The following CD109 variants were observed in gnomAD, a reference collection of about 807,000 sequenced individuals.
The protein encoded by CD109 is CD109 antigen.
Under a neutral mutation model 165.8 loss-of-function variants are expected in CD109, and 149 were observed. That is an observed-to-expected ratio of 0.90 (90% CI 0.79 to 1.03). The LOEUF is 1.03. CD109 is among the 50% of genes least tolerant of loss of function. CD109 has a pLI of 0.00. For synonymous variants in CD109, 585 were observed against 592.1 expected (o/e 0.99, Z 0.18); for missense variants, 1,712 against 1,677.8 (o/e 1.02, Z -0.36).
chr6:73,822,319 A>T (rs1396769006), intron 32 of CD109, among the ~76,000 whole-genome samples: 1 of 152,218 alleles, frequency 6.6e-6, no homozygotes, highest in East Asian at 1.9e-4. Context: ...TGTGTTAGGT[A>T]GTTGTAGATA....
intron 10 of CD109, among the ~76,000 whole-genome samples, chr6:73,765,686 G>C (rs917614641): frequency 2.0e-5 from 3 of 152,176 alleles, no homozygotes; most frequent in Non-Finnish European, 4.4e-5. Context: ...AGAGGATGCA[G>C]AAAGAGAGGT....
At chr6:73,752,070 A>G (rs12529936) in intron 5 of CD109, among the ~76,000 whole-genome samples, 20,595 of 152,190 alleles carry the variant, frequency 0.14, 2,772 homozygotes, top group African/African-American at 0.34. Context: ...GTACATCCAG[A>G]CACTGGAGAG....
chr6:73,794,101 C>T (rs1775068100), intron 23 of CD109, among the ~76,000 whole-genome samples: 1 of 152,050 alleles, frequency 6.6e-6, no homozygotes, highest in Non-Finnish European at 1.5e-5. Context: ...TAAAATAATT[C>T]TATGTAATGA....
chr6:73,810,489 T>A (rs1243828609), intron 27 of CD109, among the ~76,000 whole-genome samples: 1 of 151,896 alleles, frequency 6.6e-6, no homozygotes, highest in African/African-American at 2.4e-5. Context: ...CTGTGGTAAC[T>A]GATATAAGAG....
At chr6:73,744,219 CA>C (rs1772897155) in intron 5 of CD109, among the ~76,000 whole-genome samples, 1 of 152,180 alleles carries the variant, frequency 6.6e-6, no homozygotes, top group Non-Finnish European at 1.5e-5. Context: ...TCCTTGAAGA[CA>C]GGAATTCTAT....
At chr6:73,797,229 G>A (rs1775196448) in intron 23 of CD109, among the ~76,000 whole-genome samples, 1 of 152,162 alleles carries the variant, frequency 6.6e-6, no homozygotes, top group Non-Finnish European at 1.5e-5. Context: ...TGTCTTTGCT[G>A]TCAAAAAGGA....
chr6:73,782,139 C>T (rs979206067), intron 17 of CD109, among the ~76,000 whole-genome samples: 6 of 152,146 alleles, frequency 3.9e-5, no homozygotes, highest in East Asian at 1.9e-4. Flanking sequence ...GCTAAGCCCC[C>T]GGGTCTCTTT....
intron 3 of CD109, among the ~76,000 whole-genome samples, chr6:73,724,407 G>A (rs1013025576): frequency 2.0e-5 from 3 of 152,026 alleles, no homozygotes; most frequent in East Asian, 1.9e-4. Context: ...GCTTTGATTT[G>A]GAAGTTTATA....
intron 26 of CD109, 144 bp downstream of exon 26, chr6:73,808,392 G>T (rs947269386): frequency 1.9e-5 from 14 of 747,852 alleles, no homozygotes; most frequent in Admixed American, 3.0e-5. Flanking sequence ...GGATGGGCCT[G>T]ACATGGCCAC....
At chr6:73,777,437 C>T (rs1774293821) in intron 15 of CD109, among the ~76,000 whole-genome samples, 1 of 151,840 alleles carries the variant, frequency 6.6e-6, no homozygotes, top group South Asian at 2.1e-4. Context: ...TTAATTTGAT[C>T]CCATTTGTCA....
chr6:73,740,747 C>T (rs1032855371), intron 5 of CD109, among the ~76,000 whole-genome samples: 2 of 151,862 alleles, frequency 1.3e-5, no homozygotes, highest in African/African-American at 4.8e-5. Context: ...CATGCACCAC[C>T]ATGCCCAGCT....
chr6:73,764,876 A>G (rs980893078), intron 10 of CD109, among the ~76,000 whole-genome samples: 81 of 152,126 alleles, frequency 5.3e-4, no homozygotes, highest in Non-Finnish European at 1.0e-3. Context: ...CACTTGTTGA[A>G]TGGGTCGGTA....
chr6:73,797,785 A>G (rs1413635104), intron 23 of CD109, among the ~76,000 whole-genome samples: 1 of 152,210 alleles, frequency 6.6e-6, no homozygotes. Flanking sequence ...AAGAAAATTC[A>G]TAACCCAGAA....
chr6:73,810,213 A>T, intron 27 of CD109, 39 bp downstream of exon 27: 1 of 667,648 alleles, frequency 1.5e-6, no homozygotes, highest in Non-Finnish European at 2.1e-6. Context: ...ACTATAATAT[A>T]TAATATAGAT....
intron 3 of CD109, among the ~76,000 whole-genome samples, chr6:73,726,706 A>G (rs1254710571): frequency 6.6e-6 from 1 of 152,258 alleles, no homozygotes; most frequent in Admixed American, 6.5e-5. Flanking sequence ...GCAGAGAGCT[A>G]TCATCTCCTC....
chr6:73,780,327 G>T, intron 15 of CD109, 97 bp from the exon 16 acceptor site: 1 of 791,248 alleles, frequency 1.3e-6, no homozygotes, highest in South Asian at 1.5e-5. Flanking sequence ...TTTCAAAGTT[G>T]ATAAACATGA....
chr6:73,723,387 T>A, intron 3 of CD109, 108 bp downstream of exon 3: 1 of 902,422 alleles, frequency 1.1e-6, no homozygotes, highest in Non-Finnish European at 1.7e-6. Context: ...TCACGTTTCA[T>A]GTAAGTTTGG....
At chr6:73,737,441 T>G (rs1257497262) in intron 5 of CD109, among the ~76,000 whole-genome samples, 1 of 144,180 alleles carries the variant, frequency 6.9e-6, no homozygotes, top group Non-Finnish European at 1.5e-5. Flanking sequence ...CCAATATTAT[T>G]CTTTTTAAGG....
chr6:73,811,116 C>G lies in CD109; in HGVS notation c.3671C>G (p.Thr1224Arg). Reference sequence around the variant, plus strand: ...AGTCCTGTAAAGTTTCTGATTGACACACACAACCGCTTACTCCTTCAGACA... The same window carrying G: ...AGTCCTGTAAAGTTTCTGATTGACAGACACAACCGCTTACTCCTTCAGACA... ...SPSPVKFLID[T>R]HNRLLLQTAE... Residue 1224 changes from threonine (T) to arginine (R), a missense_variant, in exon 28 of 33, where the codon ACA becomes AGA. Transcript: ENST00000287097. The G allele has an allele frequency of 6.2e-7, 1 of 1,613,242 alleles. No individual in the cohort carries two copies. Among genetic ancestry groups the G allele is most frequent in the Non-Finnish European group, 8.5e-7 (1 of 1,179,500 alleles).
Sources: allele counts gnomAD v4.1 joint callset (sites outside exome capture counted in the v4.1 genomes callset), GRCh38; gene constraint gnomAD v4.1.1; transcripts MANE v1.5; gene names NCBI Gene and HGNC (gene_info 2026-07-23, HGNC 2026-07-21).